ARHGAP24: variants seen among roughly 807,000 people sequenced by gnomAD.
ARHGAP24 encodes rho GTPase-activating protein 24.
Under a neutral mutation model 76.4 loss-of-function variants are expected in ARHGAP24, and 50 were observed. The observed-to-expected ratio is 0.65, with a 90% confidence interval of 0.52 to 0.83. The LOEUF is 0.83. Among genes scored for constraint, ARHGAP24 ranks in the 40% least tolerant of loss-of-function variants. ARHGAP24 has a pLI of 0.00. For missense variants in ARHGAP24, 930 were observed against 914.2 expected (o/e 1.02, Z -0.22); for synonymous variants, 345 against 323.3 (o/e 1.07, Z -0.72).
intron 4 of ARHGAP24, among the ~76,000 whole-genome samples, chr4:85,933,775 G>A (rs559132149): frequency 1.3e-5 from 2 of 152,124 alleles, no homozygotes; most frequent in African/African-American, 2.4e-5. Flanking sequence ...GGGTCTAGTC[G>A]TAAGAGGCTA....
At chr4:85,577,422 G>A (rs1263545016) in intron 2 of ARHGAP24, among the ~76,000 whole-genome samples, 2 of 151,990 alleles carry the variant, frequency 1.3e-5, no homozygotes, top group Non-Finnish European at 2.9e-5. Context: ...ATAAAATAGC[G>A]TATTGCCTAG....
At chr4:85,643,234 G>GGTT (rs1721592118) in intron 2 of ARHGAP24, among the ~76,000 whole-genome samples, 1 of 54,610 alleles carries the variant, frequency 1.8e-5, no homozygotes, top group African/African-American at 5.9e-5. Flanking sequence ...GTTTTTTTGT[G>GGTT]TTTTTTTTTT....
At chr4:85,506,450 G>A (rs950762863) in intron 1 of ARHGAP24, among the ~76,000 whole-genome samples, 13 of 152,190 alleles carry the variant, frequency 8.5e-5, no homozygotes, top group African/African-American at 3.1e-4. Flanking sequence ...CCTCAGCAAT[G>A]GCGGACGCCC....
At chr4:85,646,541 C>A (rs1358427271) in intron 2 of ARHGAP24, among the ~76,000 whole-genome samples, 1 of 151,962 alleles carries the variant, frequency 6.6e-6, no homozygotes, top group African/African-American at 2.4e-5. Context: ...AATCTATATT[C>A]CTCTTTAGTT....
chr4:85,603,969 C>A (rs1224124782), intron 2 of ARHGAP24, among the ~76,000 whole-genome samples: 1 of 152,066 alleles, frequency 6.6e-6, no homozygotes. Flanking sequence ...ACTCATTCAC[C>A]TTCCCCAGTA....
intron 3 of ARHGAP24, among the ~76,000 whole-genome samples, chr4:85,887,757 T>C (rs1490649596): frequency 1.3e-5 from 2 of 152,200 alleles, no homozygotes; most frequent in East Asian, 3.8e-4. Flanking sequence ...TACTAAAGAA[T>C]CTAAAGATGC....
intron 3 of ARHGAP24, among the ~76,000 whole-genome samples, chr4:85,906,887 G>A (rs1196645709): frequency 6.6e-6 from 1 of 152,094 alleles, no homozygotes; most frequent in Non-Finnish European, 1.5e-5. Flanking sequence ...TCACTTGTTA[G>A]TCCACTCTAT....
chr4:86,000,303 AAAT>A, intron 9 of ARHGAP24, 173 bp from the exon 10 acceptor site: 1 of 566,556 alleles, frequency 1.8e-6, no homozygotes, highest in East Asian at 3.4e-5. Flanking sequence ...GCAAACAGTA[AAAT>A]AATACAACAA....
chr4:85,728,798 G>A (rs1446603071), intron 3 of ARHGAP24, among the ~76,000 whole-genome samples: 1 of 152,144 alleles, frequency 6.6e-6, no homozygotes, highest in African/African-American at 2.4e-5. Flanking sequence ...GGATAATAAT[G>A]TAACAACAGC....
rs1290105889 is a variant in ARHGAP24, at chr4:85,547,018, C to T, written c.-20-23504C>T. Among the ~76,000 whole-genome samples the T allele has an allele frequency of 2.0e-5, 3 of 152,172 alleles. No individual in the cohort carries two copies. In the East Asian group the frequency reaches 5.8e-4, roughly 29 times the overall value. On this transcript the variant is annotated intron_variant, in intron 1 of 9. Coordinates refer to ENST00000395184, the MANE Select transcript of ARHGAP24 (RefSeq NM_001025616.3). ...AGTGTGTATTTCCAAAGAACAAGTA[C>T]AATTTCTGTCATAACTGCAGTTATG...
chr4:85,585,932 C>A (rs76579364), intron 2 of ARHGAP24, among the ~76,000 whole-genome samples: 2 of 152,112 alleles, frequency 1.3e-5, no homozygotes, highest in Non-Finnish European at 2.9e-5. Flanking sequence ...ATACTTGGTC[C>A]AGATCTCTCA....
intron 3 of ARHGAP24, among the ~76,000 whole-genome samples, chr4:85,754,330 C>T (rs1726391081): frequency 6.6e-6 from 1 of 152,158 alleles, no homozygotes; most frequent in Admixed American, 6.5e-5. Context: ...CATTCATTTG[C>T]TGATGGACAC....
At chr4:85,908,740 A>G (rs1402713368) in intron 3 of ARHGAP24, among the ~76,000 whole-genome samples, 2 of 152,164 alleles carry the variant, frequency 1.3e-5, no homozygotes, top group African/African-American at 2.4e-5. Context: ...AAGAGTAGTG[A>G]GTTTTGGTCA....
At chr4:85,692,797 C>A (rs542794700) in intron 2 of ARHGAP24, among the ~76,000 whole-genome samples, 1 of 152,298 alleles carries the variant, frequency 6.6e-6, no homozygotes, top group South Asian at 2.1e-4. Context: ...ATTCTAAACT[C>A]TATGTCTGTC....
intron 3 of ARHGAP24, among the ~76,000 whole-genome samples, chr4:85,878,663 C>G (rs867513939): frequency 6.6e-6 from 1 of 151,980 alleles, no homozygotes; most frequent in South Asian, 2.1e-4. Context: ...ATACATGGAC[C>G]TTGACATTTC....
At chr4:85,502,235 T>A (rs1005254535) in intron 1 of ARHGAP24, among the ~76,000 whole-genome samples, 3 of 152,010 alleles carry the variant, frequency 2.0e-5, no homozygotes, top group East Asian at 1.9e-4. Context: ...TGAACTTTAA[T>A]GTAGTTTTTT....
chr4:85,807,102 A>G (rs1381695207), intron 3 of ARHGAP24, among the ~76,000 whole-genome samples: 1 of 152,006 alleles, frequency 6.6e-6, no homozygotes, highest in Admixed American at 6.5e-5. Context: ...TTTCTTTTTT[A>G]ATTAATTTTT....
At chr4:85,588,183 T>C (rs1000256004) in intron 2 of ARHGAP24, among the ~76,000 whole-genome samples, 2 of 152,152 alleles carry the variant, frequency 1.3e-5, no homozygotes, top group African/African-American at 4.8e-5. Context: ...AGAGGCAGAG[T>C]TGCTTTTCTT....
intron 3 of ARHGAP24, among the ~76,000 whole-genome samples, chr4:85,800,792 A>G (rs577202393): frequency 6.6e-6 from 1 of 152,194 alleles, no homozygotes; most frequent in Non-Finnish European, 1.5e-5. Flanking sequence ...AAAAATGTTA[A>G]TGTTTGCCTT....
Sources: allele counts gnomAD v4.1 joint callset (sites outside exome capture counted in the v4.1 genomes callset), GRCh38; gene constraint gnomAD v4.1.1; transcripts MANE v1.5; gene names NCBI Gene and HGNC (gene_info 2026-07-23, HGNC 2026-07-21).